Variants in MUC4 observed in about 807,000 individuals in gnomAD.
The protein encoded by MUC4 is mucin 4, cell surface associated.
Under a neutral mutation model 257.9 loss-of-function variants are expected in MUC4, and 202 were observed. The observed-to-expected ratio is 0.78, with a 90% CI of 0.70 to 0.88. The LOEUF is 0.88. MUC4 is among the 40% of genes least tolerant of loss of function. The pLI, the probability that MUC4 is intolerant of heterozygous loss-of-function variation, is 0.00. For synonymous variants in MUC4, 2,351 were observed against 2,757.1 expected, an observed-to-expected ratio of 0.85 and a Z score of 4.62; for missense variants, 5,976 against 6,513.7, an observed-to-expected ratio of 0.92 and a Z score of 2.84.
intron 1 of MUC4, among the ~76,000 whole-genome samples, chr3:195,806,008 CGGGGGGCTGA>C (rs56088248): frequency 0.54 from 82,622 of 151,810 alleles, 23,608 homozygotes; most frequent in East Asian, 0.76. Context: ...CCCAGCTACT[CGGGGGGCTGA>C]GGCACGAGAA....
chr3:195,791,195 T>C lies in MUC4; in HGVS notation c.385A>G (p.Asn129Asp). ...GTCTTTGATGTCATCATGAGTGTGT[T>C]GGTGACACTGGAGGGAAATGATGTG... is the stretch of plus-strand genomic sequence containing the variant. ...MTTSFPSSVT[N>D]TLMMTSKTIT... The change falls in exon 2 of 25, where the codon AAC becomes GAC. Residue 129 changes from asparagine to aspartate, a missense_variant. Transcript: ENST00000463781. The C allele has an allele frequency of 1.2e-6, 2 of 1,613,498 alleles. No individual in the cohort carries two copies. Among genetic ancestry groups the C allele is most frequent in the Middle Eastern group, 3.3e-4 (2 of 6,060 alleles).
intron 1 of MUC4, among the ~76,000 whole-genome samples, chr3:195,797,702 G>T (rs1734734560): frequency 6.6e-6 from 1 of 152,094 alleles, no homozygotes; most frequent in Non-Finnish European, 1.5e-5. Flanking sequence ...GGTATGGAAG[G>T]GATGAAACAA....
rs745774408 is a variant in MUC4, at chr3:195,765,018, CG to C, written c.13902del (p.His4634GlnfsTer138). On this transcript the variant is annotated frameshift_variant, in exon 10 of 25. Coordinates refer to ENST00000463781, the MANE Select transcript of MUC4 (RefSeq NM_018406.7). LOFTEE classifies it high-confidence loss of function. ...GCACCCAACTGCCAAGGACGCTGCA[CG>C]TGCCAGCCTTCACGAAACTCTCCCC... ...GPWGEFREGWHVQRPWQLAQE... is the reference protein window; with the variant it reads ...GPWGEFREGWXVQRPWQLAQE... The C allele has an allele frequency of 9.3e-6, 15 of 1,613,892 alleles. No individual in the cohort carries two copies. The highest frequency in any genetic ancestry group is 1.3e-5 in the Non-Finnish European group (15 of 1,179,980).
chr3:195,763,338 C>G, intron 12 of MUC4, 95 bp downstream of exon 12: 1 of 1,255,518 alleles, frequency 8.0e-7, no homozygotes, highest in Non-Finnish European at 1.0e-6. Context: ...GCCCGGCTTC[C>G]CCTCCTTCGC....
At chr3:195,748,675 C>T (rs191014895) in intron 24 of MUC4, among the ~76,000 whole-genome samples, 48 of 152,264 alleles carry the variant, frequency 3.2e-4, no homozygotes, top group African/African-American at 1.2e-3. Flanking sequence ...TTCTCATCTT[C>T]GAAATAGTTC....
At position 195,789,732 on chromosome 3, in the gene MUC4, T is replaced by C. The variant is rs767941839; in HGVS notation, c.1848A>G (p.Thr616=). The C allele has an allele frequency of 6.2e-7, 1 of 1,613,922 alleles. No homozygotes were observed. The highest frequency in any genetic ancestry group is 1.1e-5 in the South Asian group (1 of 91,060). Residue 616 remains threonine (T), a synonymous_variant, in exon 2 of 25, where the codon ACA becomes ACG. Coordinates refer to ENST00000463781, the MANE Select transcript of MUC4 (RefSeq NM_018406.7). ...TSQQITTAPS[T]NHSTIHSTST... ...TTGTGGAATGTATTGTTGAATGATT[T>C]GTTGATGGTGCCGTTGTAATTTGTT...
At position 195,769,074 on chromosome 3, in the gene MUC4, GC is replaced by G; in HGVS notation, c.13476del (p.Met4492IlefsTer29). 3 of 1,614,078 alleles carry G rather than the reference GC, an allele frequency of 1.9e-6. No homozygotes were observed. Among genetic ancestry groups the G allele is most frequent in the Non-Finnish European group, 2.5e-6 (3 of 1,180,012 alleles). On this transcript the variant is annotated frameshift_variant, in exon 7 of 25. Transcript: ENST00000463781. LOFTEE classifies it high-confidence loss of function. ...YALFLYQSGG[M>X]QWDVAQRSGN... ...CCTGAGCGCTGGGCCACGTCCCACT[GC>G]ATCCCACCGCTCTGGTAGAGAAACA...
chr3:195,802,223 G>T (rs1273970700), intron 1 of MUC4, among the ~76,000 whole-genome samples: 4 of 152,152 alleles, frequency 2.6e-5, no homozygotes, highest in African/African-American at 9.7e-5. Flanking sequence ...GGGTCCTCTG[G>T]ATTTCTTTCT....
At chr3:195,768,972 T>TG in intron 7 of MUC4, 50 bp downstream of exon 7, 1 of 1,586,732 alleles carries the variant, frequency 6.3e-7, no homozygotes, top group African/African-American at 1.3e-5. Context: ...AAGCCGACTC[T>TG]ACACCCCTCC....
intron 7 of MUC4, among the ~76,000 whole-genome samples, chr3:195,767,569 A>T (rs1266491389): frequency 8.9e-6 from 1 of 112,732 alleles, no homozygotes; most frequent in South Asian, 2.5e-4. Flanking sequence ...CATTGCCACC[A>T]CCATCACCAC....
At chr3:195,758,565 C>CT (rs1718114430) in intron 17 of MUC4, among the ~76,000 whole-genome samples, 1 of 41,362 alleles carries the variant, frequency 2.4e-5, no homozygotes, top group Non-Finnish European at 5.8e-5. Flanking sequence ...ATTAAATGAT[C>CT]TTCAAATCTT....
At chr3:195,773,395 C>T (rs919538929) in intron 4 of MUC4, among the ~76,000 whole-genome samples, 1 of 150,546 alleles carries the variant, frequency 6.6e-6, no homozygotes, top group East Asian at 2.0e-4. Context: ...GGTGCAGACA[C>T]CCCATCTCCA....
chr3:195,787,294 T>C lies in MUC4; in HGVS notation c.4286A>G (p.Asp1429Gly). 2.3e-6 allele frequency: 1 copy of C among 428,676 alleles called. No individual in the cohort carries two copies. The highest frequency in any genetic ancestry group is 4.3e-5 in the Admixed American group (1 of 23,380). The allele number at this position is 428,676 out of a possible 1,614,324, so 26.6% of individuals were successfully genotyped here. Residue 1429 changes from aspartate to glycine, a missense_variant, in exon 2 of 25, where the codon GAC becomes GGC. Physicochemically the swap from Asp to Gly is moderately conservative, Grantham distance 94. Transcript: ENST00000463781. ...GTGATCTGTGGACACTGAGGAAGCGTCGGTGACAGGAAGAGGGGTGGCGTG... is the reference window on the plus strand; with the variant it reads ...GTGATCTGTGGACACTGAGGAAGCGCCGGTGACAGGAAGAGGGGTGGCGTG... ...TGHATPLPVT[D>G]ASSVSTDHAT...
intron 1 of MUC4, among the ~76,000 whole-genome samples, chr3:195,799,981 C>T (rs1415745428): frequency 2.6e-5 from 4 of 152,150 alleles, no homozygotes; most frequent in East Asian, 3.9e-4. Context: ...TGCTTCACAG[C>T]ATCGACTGAA....
intron 1 of MUC4, chr3:195,809,851 A>C (rs1390522535): frequency 6.6e-6 from 1 of 152,320 alleles, no homozygotes; most frequent in Non-Finnish European, 1.5e-5. Context: ...TGCTTTTTAC[A>C]CAGGGGACCG....
Position 195,783,226 on chromosome 3 carries a change from A to G in MUC4, c.8354T>C (p.Leu2785Pro), listed in dbSNP as rs1286983782. 2 of 1,362,208 alleles carry G rather than the reference A, an allele frequency of 1.5e-6. No individual in the cohort carries two copies. Among genetic ancestry groups the G allele is most frequent in the Non-Finnish European group, 2.0e-6 (2 of 993,790 alleles). The allele number at this position is 1,362,208 out of a possible 1,614,324, so 84.4% of individuals were successfully genotyped here. A position where few individuals can be genotyped will look rare whatever the true frequency, so the allele number is the denominator to read the frequency against. ...SSVSTGHATP[L>P]HVTSPSSAST... Reference sequence around the variant, plus strand: ...TGCTGAGGAAGGGCTGGTGACATGAAGAGGGGTGGCGTGACCTGTGGATAC... The same window carrying G: ...TGCTGAGGAAGGGCTGGTGACATGAGGAGGGGTGGCGTGACCTGTGGATAC... The change falls in exon 2 of 25, where the codon CTT (leucine) becomes CCT (proline). Residue 2785 changes from leucine to proline, a missense_variant. This residue lies in a region of MUC4 where 228 missense variants were observed against 206.3 expected (regional missense o/e 1.11). Transcript: ENST00000463781.
rs762928803 is a variant in MUC4, at chr3:195,782,857, C to G, written c.8723G>C (p.Gly2908Ala). The change falls in exon 2 of 25, where the codon GGT (glycine) becomes GCT (alanine). Residue 2908 changes from glycine to alanine, a missense_variant. Physicochemically the swap from Gly to Ala is moderately conservative, Grantham distance 60. Coordinates refer to ENST00000463781, the MANE Select transcript of MUC4 (RefSeq NM_018406.7). ...GGTGACAGGAAGAGGCGTGGTGTCA[C>G]CTGTGGATACTGAGGAAAGGCTGGT... ...PLTSLSSVST[G>A]DTTPLPVTDT... 6.6e-7 allele frequency: 1 copy of G among 1,522,008 alleles called. No individual in the cohort carries two copies. The highest frequency in any genetic ancestry group is 8.9e-7 in the Non-Finnish European group (1 of 1,127,956). The allele number at this position is 1,522,008 out of a possible 1,614,324, so 94.3% of individuals were successfully genotyped here. A position where few individuals can be genotyped will look rare whatever the true frequency, so the allele number is the denominator to read the frequency against.
chr3:195,758,475 T>C (rs768340583), intron 17 of MUC4, among the ~76,000 whole-genome samples: 11 of 152,176 alleles, frequency 7.2e-5, no homozygotes, highest in Non-Finnish European at 1.6e-4. Flanking sequence ...AAATTGGTCA[T>C]TTTAAATGTT....
At chr3:195,754,599 C>T (rs1717140226) in intron 18 of MUC4, among the ~76,000 whole-genome samples, 1 of 152,250 alleles carries the variant, frequency 6.6e-6, no homozygotes, top group Admixed American at 6.5e-5. Context: ...ATTGTTTACC[C>T]TGACCCCCTG....
Sources: allele counts gnomAD v4.1 joint callset (sites outside exome capture counted in the v4.1 genomes callset), GRCh38; gene constraint gnomAD v4.1.1; regional missense constraint gnomAD v4.1.1; transcripts MANE v1.5; gene names NCBI Gene and HGNC (gene_info 2026-07-23, HGNC 2026-07-21).